The following LRRTM4 variants were observed in gnomAD, a reference collection of about 807,000 sequenced individuals.
LRRTM4 encodes the protein leucine rich repeat transmembrane neuronal 4, also known as leucine-rich repeat transmembrane neuronal protein 4.
In LRRTM4, 25 loss-of-function variants were observed where a neutral mutation model predicts 47.6. The ratio of observed to expected loss-of-function variants is 0.53; its 90% confidence interval spans 0.38 to 0.73. The LOEUF (loss-of-function observed/expected upper bound fraction) is 0.73. Ranked by LOEUF, LRRTM4 falls within the 30% of genes least tolerant of loss-of-function variation. The probability of loss-of-function intolerance (pLI) is 0.00; values close to 1 mark genes in which losing one functional copy is unlikely to be tolerated. For synonymous variants in LRRTM4, 311 were observed against 269.5 expected, an observed-to-expected ratio of 1.15 and a Z score of -1.51; for missense variants, 638 against 713.4, an observed-to-expected ratio of 0.89 and a Z score of 1.20.
At chr2:76,836,176 TA>T (rs1671507761) in intron 3 of LRRTM4, among the ~76,000 whole-genome samples, 1 of 138,544 alleles carries the variant, frequency 7.2e-6, no homozygotes, top group African/African-American at 2.7e-5. Context: ...AAAAAAAAAA[TA>T]ACAGTGAAGG....
intron 3 of LRRTM4, among the ~76,000 whole-genome samples, chr2:77,257,655 G>T (rs1042053374): frequency 7.3e-5 from 11 of 151,652 alleles, no homozygotes; most frequent in Admixed American, 7.3e-4. Context: ...TAGACCGAGA[G>T]AAAATATTTG....
chr2:77,168,844 T>C (rs1672963999), intron 3 of LRRTM4, among the ~76,000 whole-genome samples: 1 of 152,168 alleles, frequency 6.6e-6, no homozygotes, highest in South Asian at 2.1e-4. Context: ...TGAACTTCAC[T>C]TCTATCCATG....
chr2:77,128,004 G>A (rs538024944), intron 3 of LRRTM4, among the ~76,000 whole-genome samples: 26 of 152,184 alleles, frequency 1.7e-4, no homozygotes, highest in African/African-American at 4.6e-4. Flanking sequence ...TTTGCCAGGC[G>A]TAGTGGCGCA....
At chr2:77,026,662 T>G (rs554048070) in intron 3 of LRRTM4, among the ~76,000 whole-genome samples, 1 of 151,960 alleles carries the variant, frequency 6.6e-6, no homozygotes, top group Non-Finnish European at 1.5e-5. Context: ...TTTATTGTCA[T>G]AGAAAAAGTA....
chr2:77,140,779 G>GA, intron 3 of LRRTM4, among the ~76,000 whole-genome samples: 1 of 151,812 alleles, frequency 6.6e-6, no homozygotes. Context: ...AGATTTACAA[G>GA]AAAAAAACAA....
At chr2:77,200,259 G>A (rs1190805782) in intron 3 of LRRTM4, among the ~76,000 whole-genome samples, 1 of 152,060 alleles carries the variant, frequency 6.6e-6, no homozygotes, top group East Asian at 1.9e-4. Context: ...AGTTTAGTGT[G>A]AATGTCCCAG....
At chr2:77,366,397 C>G (rs1489965063) in intron 3 of LRRTM4, among the ~76,000 whole-genome samples, 2 of 151,854 alleles carry the variant, frequency 1.3e-5, no homozygotes, top group Non-Finnish European at 2.9e-5. Context: ...ACTCACTACT[C>G]AAATACTTCA....
At chr2:77,518,144 AGC>A in intron 3 of LRRTM4, 172 bp downstream of exon 3, 1 of 1,245,672 alleles carries the variant, frequency 8.0e-7, no homozygotes, top group Non-Finnish European at 1.0e-6. Flanking sequence ...AAAAAAAAAA[AGC>A]AGTCAATTTC....
At chr2:76,888,373 A>G (rs1215358710) in intron 3 of LRRTM4, among the ~76,000 whole-genome samples, 1 of 151,498 alleles carries the variant, frequency 6.6e-6, no homozygotes, top group Non-Finnish European at 1.5e-5. Context: ...TAGAGAATAC[A>G]TATTGTATTC....
At chr2:76,768,954 T>A (rs7563920) in intron 3 of LRRTM4, among the ~76,000 whole-genome samples, 51,771 of 151,962 alleles carry the variant, frequency 0.34, 9,635 homozygotes, top group East Asian at 0.49. Flanking sequence ...GAAATGTCTT[T>A]TCTTGATGTA....
chr2:76,856,000 G>T (rs561654195), intron 3 of LRRTM4, among the ~76,000 whole-genome samples: 1 of 152,328 alleles, frequency 6.6e-6, no homozygotes, highest in East Asian at 1.9e-4. Context: ...AAATTGGCCA[G>T]AAGTGGTGGC....
At chr2:77,388,917 T>A (rs927799355) in intron 3 of LRRTM4, among the ~76,000 whole-genome samples, 2 of 152,070 alleles carry the variant, frequency 1.3e-5, no homozygotes, top group Non-Finnish European at 1.5e-5. Flanking sequence ...TAAACAGTAA[T>A]GTGTTCATCC....
intron 3 of LRRTM4, among the ~76,000 whole-genome samples, chr2:77,152,839 G>A (rs1421851800): frequency 1.3e-5 from 2 of 152,000 alleles, no homozygotes; most frequent in Non-Finnish European, 2.9e-5. Context: ...ATAAATGTAT[G>A]AGGTACAAAG....
intron 3 of LRRTM4, among the ~76,000 whole-genome samples, chr2:77,337,631 T>C (rs1671215209): frequency 6.6e-6 from 1 of 152,070 alleles, no homozygotes; most frequent in Non-Finnish European, 1.5e-5. Context: ...GTGAAGAAGG[T>C]ACTTGCTTCT....
chr2:76,992,341 C>T (rs10183619), intron 3 of LRRTM4, among the ~76,000 whole-genome samples: 76,372 of 151,430 alleles, frequency 0.5, 19,976 homozygotes, highest in African/African-American at 0.64. Context: ...AGCAATCAAA[C>T]TATCTGTTTT....
intron 3 of LRRTM4, among the ~76,000 whole-genome samples, chr2:76,963,580 A>G (rs962842438): frequency 2.0e-5 from 3 of 150,968 alleles, no homozygotes; most frequent in African/African-American, 7.3e-5. Flanking sequence ...ATGAAAACAC[A>G]TTTAAAGATT....
At chr2:76,795,856 C>G (rs551575064) in intron 3 of LRRTM4, among the ~76,000 whole-genome samples, 1 of 152,006 alleles carries the variant, frequency 6.6e-6, no homozygotes, top group Non-Finnish European at 1.5e-5. Flanking sequence ...CAGCTCCCAG[C>G]GTGAGCGACG....
intron 3 of LRRTM4, among the ~76,000 whole-genome samples, chr2:76,763,115 T>G (rs1183408230): frequency 1.3e-5 from 2 of 152,202 alleles, no homozygotes; most frequent in Non-Finnish European, 2.9e-5. Context: ...AAAGATTTTG[T>G]GACACATTGA....
intron 3 of LRRTM4, among the ~76,000 whole-genome samples, chr2:77,504,002 T>C (rs368386961): frequency 3.5e-4 from 53 of 151,714 alleles, no homozygotes; most frequent in African/African-American, 1.2e-3. Context: ...AAAAGTAGAC[T>C]GGGGTAGAAT....
Sources: gnomAD v4.1 joint callset for allele counts (sites outside exome capture counted in the v4.1 genomes callset) on GRCh38, gnomAD v4.1.1 for gene constraint, MANE v1.5 for transcripts, NCBI Gene and HGNC (gene_info 2026-07-23, HGNC 2026-07-21) for gene names.